DOCK7: variants seen among roughly 807,000 people sequenced by gnomAD.
DOCK7 encodes the protein dedicator of cytokinesis protein 7.
DOCK7 carries 138 observed loss-of-function variants against 271.0 expected under a neutral mutation model. The ratio of observed to expected loss-of-function variants is 0.51; its 90% CI spans 0.44 to 0.59. The LOEUF is 0.59. Among genes scored for constraint, DOCK7 ranks in the 20% least tolerant of loss-of-function variants. The probability of loss-of-function intolerance (pLI) is 0.00; values close to 1 mark genes in which losing one functional copy is unlikely to be tolerated. For synonymous variants in DOCK7, 823 were observed against 876.1 expected (o/e 0.94, Z 1.07); for missense variants, 2,066 against 2,592.4 (o/e 0.80, Z 4.41).
intron 37 of DOCK7, among the ~76,000 whole-genome samples, chr1:62,498,077 G>T (rs1557628615): frequency 9.2e-6 from 1 of 108,136 alleles, no homozygotes; most frequent in Non-Finnish European, 2.2e-5. Flanking sequence ...GCATGTCTAC[G>T]AAATTTTTTT....
At chr1:62,633,674 T>A in intron 9 of DOCK7, 96 bp from the exon 10 acceptor site, 3 of 801,148 alleles carry the variant, frequency 3.7e-6, no homozygotes, top group Non-Finnish European at 6.1e-6. Context: ...ATTAACAGAA[T>A]GACAGAAAAA....
At chr1:62,547,553 A>G (rs1192605560) in intron 22 of DOCK7, among the ~76,000 whole-genome samples, 1 of 152,312 alleles carries the variant, frequency 6.6e-6, no homozygotes, top group East Asian at 1.9e-4. Context: ...CATATCCACA[A>G]GTCCTCAGCA....
chr1:62,648,288 C>T lies in DOCK7; in HGVS notation c.550G>A (p.Asp184Asn). 1.2e-6 allele frequency: 2 copies of T among 1,612,868 alleles called. No homozygotes were observed. Among genetic ancestry groups the T allele is most frequent in the Non-Finnish European group, 1.7e-6 (2 of 1,179,250 alleles). Residue 184 changes from aspartate (D) to asparagine (N), a missense_variant, in exon 6 of 50, where the codon GAT (aspartate) becomes AAT (asparagine). Physicochemically the swap from Asp to Asn is conservative, Grantham distance 23. Coordinates refer to ENST00000635253, the MANE Select transcript of DOCK7 (RefSeq NM_001367561.1). ...GCCCAGCTACCCCTTGGGGTATCAT[C>T]TATTGACATTGAACGTCTTTTAAGG... ...DDLKRRSMSI[D>N]DTPRGSWACS...
intron 14 of DOCK7, chr1:62,597,415 G>A (rs1034449058): frequency 5.4e-6 from 4 of 739,028 alleles, no homozygotes; most frequent in East Asian, 2.7e-5. Flanking sequence ...GGTTACATTC[G>A]TGCAAGTTAA....
At chr1:62,506,816 G>A (rs149370193) in intron 35 of DOCK7, among the ~76,000 whole-genome samples, 4,555 of 150,454 alleles carry the variant, frequency 0.03, 164 homozygotes, top group African/African-American at 0.084. Context: ...GCGTGGTGGC[G>A]CATGCCTGTA....
intron 43 of DOCK7, 107 bp downstream of exon 43, chr1:62,487,291 G>T: frequency 9.4e-7 from 1 of 1,061,002 alleles, no homozygotes; most frequent in Non-Finnish European, 1.4e-6. Context: ...GTTGATAGCA[G>T]ATAGCAACAG....
chr1:62,679,430 A>C (rs555791374), intron 1 of DOCK7, among the ~76,000 whole-genome samples: 1 of 152,312 alleles, frequency 6.6e-6, no homozygotes, highest in South Asian at 2.1e-4. Context: ...CTCACACAAA[A>C]TCAATTCCTA....
At chr1:62,598,090 TTA>T (rs770841524) in intron 14 of DOCK7, 19 of 1,544,840 alleles carry the variant, frequency 1.2e-5, no homozygotes, top group East Asian at 7.0e-5. Flanking sequence ...GGGTTCATGT[TTA>T]TGTTTTCAAT....
intron 14 of DOCK7, chr1:62,597,883 T>A (rs1397808641): frequency 1.3e-6 from 2 of 1,576,488 alleles, no homozygotes; most frequent in Admixed American, 1.9e-5. Flanking sequence ...ACATATAAAC[T>A]ACAAGTCAAA....
chr1:62,543,462 T>A (rs538092929), intron 24 of DOCK7, 194 bp downstream of exon 24: 12 of 407,506 alleles, frequency 2.9e-5, no homozygotes, highest in Admixed American at 1.2e-4. Flanking sequence ...ATAAACATTA[T>A]CATAATGTAA....
intron 11 of DOCK7, chr1:62,629,340 A>C (rs1437621869): frequency 6.6e-6 from 1 of 152,186 alleles, no homozygotes; most frequent in Non-Finnish European, 1.5e-5. Flanking sequence ...AAAGTAGAAA[A>C]CCCAAATCAA....
chr1:62,601,945 GA>G, intron 14 of DOCK7: 2 of 970,786 alleles, frequency 2.1e-6, no homozygotes, highest in East Asian at 4.8e-5. Flanking sequence ...GTATTAGGAA[GA>G]TTAACCTGGT....
intron 14 of DOCK7, chr1:62,602,232 C>T (rs980940014): frequency 3.4e-5 from 47 of 1,386,436 alleles, no homozygotes; most frequent in Non-Finnish European, 4.4e-5. Flanking sequence ...GTGTTATTTA[C>T]ATCTGTCAAC....
At chr1:62,496,078 A>G (rs1646613543) in intron 38 of DOCK7, among the ~76,000 whole-genome samples, 1 of 152,098 alleles carries the variant, frequency 6.6e-6, no homozygotes, top group South Asian at 2.1e-4. Flanking sequence ...TTTCATCATA[A>G]AGCTTTGTCT....
intron 48 of DOCK7, among the ~76,000 whole-genome samples, chr1:62,470,907 C>T (rs1444627400): frequency 1.3e-5 from 2 of 151,926 alleles, no homozygotes; most frequent in African/African-American, 4.8e-5. Context: ...AGTGTGCTTG[C>T]CCCTTCTGCC....
At chr1:62,479,362 A>G (rs983630598) in intron 43 of DOCK7, among the ~76,000 whole-genome samples, 4 of 152,190 alleles carry the variant, frequency 2.6e-5, no homozygotes, top group Admixed American at 2.6e-4. Context: ...ATTTGGAGCT[A>G]AAGAAAGTTG....
Position 62,495,650 on chromosome 1 carries a change from A to T in DOCK7, c.4955T>A (p.Ile1652Asn). 1 of 1,588,236 alleles carries T rather than the reference A, an allele frequency of 6.3e-7. No individual in the cohort carries two copies. Among genetic ancestry groups the T allele is most frequent in the South Asian group, 1.2e-5 (1 of 85,342 alleles). The stretch of plus-strand genomic sequence containing the variant: ...CTTCATTTTCACAGTATCAGAAAGA[A>T]TCATATGGAGATTGAAAACCAGATC... ...VQDLVFNLHM[I>N]LSDTVKMKEH... The change falls in exon 39 of 50, where the codon ATT becomes AAT. Residue 1652 changes from isoleucine (I) to asparagine (N), a missense_variant. Ile to Asn is a moderately radical substitution (Grantham distance 149). Around this residue, in one of 2 missense-constraint regions of DOCK7, gnomAD observed 652 missense variants for 922.1 expected, o/e 0.71. Coordinates refer to ENST00000635253, the MANE Select transcript of DOCK7 (RefSeq NM_001367561.1).
chr1:62,673,478 A>C (rs1045641237), intron 1 of DOCK7, among the ~76,000 whole-genome samples: 1 of 152,228 alleles, frequency 6.6e-6, no homozygotes, highest in African/African-American at 2.4e-5. Context: ...TTATAATTAC[A>C]TAAAGAAAAG....
chr1:62,571,556 A>G (rs1464867040), intron 18 of DOCK7, among the ~76,000 whole-genome samples: 1 of 152,248 alleles, frequency 6.6e-6, no homozygotes, highest in Admixed American at 6.5e-5. Context: ...TACTGGGTAT[A>G]TACCCAAAGG....
Sources: allele counts gnomAD v4.1 joint callset (sites outside exome capture counted in the v4.1 genomes callset), GRCh38; gene constraint gnomAD v4.1.1; regional missense constraint gnomAD v4.1.1; transcripts MANE v1.5; gene names NCBI Gene and HGNC (gene_info 2026-07-23, HGNC 2026-07-21).